Variants in PTPRC observed in about 807,000 individuals in gnomAD.
The protein encoded by PTPRC is protein tyrosine phosphatase receptor type C.
A neutral mutation model predicts 155.9 loss-of-function variants in PTPRC; 44 were observed. That is an observed-to-expected ratio of 0.28 (90% confidence interval 0.22 to 0.36). The LOEUF (loss-of-function observed/expected upper bound fraction) is 0.36. Ranked by LOEUF, PTPRC falls within the 10% of genes least tolerant of loss-of-function variation. The pLI, the probability that PTPRC is intolerant of heterozygous loss-of-function variation, is 1.00. For missense variants in PTPRC, 1,401 were observed against 1,564.6 expected (o/e 0.90, Z 1.76); for synonymous variants, 525 against 533.1 (o/e 0.98, Z 0.21).
At chr1:198,642,054 A>C (rs1004254320) in intron 2 of PTPRC, among the ~76,000 whole-genome samples, 14 of 151,930 alleles carry the variant, frequency 9.2e-5, no homozygotes, top group African/African-American at 3.4e-4. Context: ...CCTACTAAAA[A>C]CCTGCCTGTG....
At chr1:198,653,256 G>A (rs910867777) in intron 2 of PTPRC, among the ~76,000 whole-genome samples, 18 of 151,634 alleles carry the variant, frequency 1.2e-4, no homozygotes, top group African/African-American at 4.1e-4. Context: ...CTACGTATAA[G>A]GTGGTTATAG....
rs1653007816 is a variant in PTPRC, at chr1:198,706,924, T to A, written c.876T>A (p.Asp292Glu). 6.2e-7 allele frequency: 1 copy of A among 1,609,386 alleles called. No homozygotes were observed. The highest frequency in any genetic ancestry group is 1.3e-5 in the African/African-American group (1 of 74,816). The change falls in exon 9 of 33, where the codon GAT becomes GAA. Residue 292 changes from aspartate (D) to glutamate (E), a missense_variant. Physicochemically the swap from Asp to Glu is conservative, Grantham distance 45. Around this residue, in one of 3 missense-constraint regions of PTPRC, gnomAD observed 867 missense variants for 970.4 expected, o/e 0.89. Coordinates refer to ENST00000442510, the MANE Select transcript of PTPRC (RefSeq NM_002838.5). ...CTCATAATTCATGTACTGCTCCTGA[T>A]AAGACATTAATATTAGATGTGCCAC... is the stretch of plus-strand genomic sequence containing the variant. The part of the protein sequence containing the change: ...SISHNSCTAP[D>E]KTLILDVPPG...
At chr1:198,738,646 G>C (rs1654760321) in intron 23 of PTPRC, among the ~76,000 whole-genome samples, 1 of 151,718 alleles carries the variant, frequency 6.6e-6, no homozygotes, top group South Asian at 2.1e-4. Context: ...TTTGGTATCA[G>C]AGTAATACTG....
chr1:198,752,943 A>G (rs1235157092), intron 31 of PTPRC, among the ~76,000 whole-genome samples, 171 bp downstream of exon 31: 1 of 152,104 alleles, frequency 6.6e-6, no homozygotes, highest in African/African-American at 2.4e-5. Flanking sequence ...TTGTAGAAAT[A>G]TAATAGAAGT....
intron 2 of PTPRC, among the ~76,000 whole-genome samples, chr1:198,672,563 G>C (rs188806408): frequency 6.6e-6 from 1 of 152,120 alleles, no homozygotes; most frequent in Admixed American, 6.5e-5. Context: ...TCCACCTCCA[G>C]GGTTCAAGCG....
chr1:198,640,033 G>A (rs116367884), intron 2 of PTPRC, among the ~76,000 whole-genome samples: 99 of 152,046 alleles, frequency 6.5e-4, no homozygotes, highest in African/African-American at 2.3e-3. Context: ...CAGCCTTGAT[G>A]AGATAGAAAT....
At chr1:198,667,452 G>GA (rs1453137276) in intron 2 of PTPRC, among the ~76,000 whole-genome samples, 1 of 151,868 alleles carries the variant, frequency 6.6e-6, no homozygotes, top group Non-Finnish European at 1.5e-5. Flanking sequence ...TACAAAGACT[G>GA]AAAAAAAATA....
Position 198,696,761 on chromosome 1 carries a change from A to G in PTPRC, c.150A>G (p.Leu50=), listed in dbSNP as rs1329229222. 1.2e-6 allele frequency: 2 copies of G among 1,614,080 alleles called. No individual in the cohort carries two copies. Among genetic ancestry groups the G allele is most frequent in the South Asian group, 2.2e-5 (2 of 91,086 alleles). Residue 50 remains leucine, a synonymous_variant, in exon 4 of 33, where the codon TTA becomes TTG. Transcript: ENST00000442510. ...GTGTTCCACTTTCAAGTGACCCCTT[A>G]CCTACTCACACCACTGCATTCTCAC... is the stretch of plus-strand genomic sequence containing the variant. The part of the protein sequence containing the change: ...MPSVPLSSDP[L]PTHTTAFSPA...
intron 2 of PTPRC, among the ~76,000 whole-genome samples, chr1:198,666,759 T>C (rs113617859): frequency 6.6e-6 from 1 of 152,204 alleles, no homozygotes; most frequent in Non-Finnish European, 1.5e-5. Context: ...TTTATTAAAA[T>C]AGATTCCTTT....
Position 198,748,089 on chromosome 1 carries a change from G to GTT in PTPRC, c.2848-5_2848-4dup, listed in dbSNP as rs57296163. 66,215 of 1,443,070 alleles carry GTT rather than the reference G, an allele frequency of 0.046. 36 individuals carry two copies. Among genetic ancestry groups the GTT allele is most frequent in the Non-Finnish European group, 0.051 (54,419 of 1,073,148 alleles). The allele number at this position is 1,443,070 out of a possible 1,614,324, so 89.4% of individuals were successfully genotyped here. A position where few individuals can be genotyped will look rare whatever the true frequency, so the allele number is the denominator to read the frequency against. ...ATTTACATTTTAAAGGAGTTTTTCTGTTTTTTTTTTTTTTTTCAGAGACTT... is the reference window on the plus strand; with the variant it reads ...ATTTACATTTTAAAGGAGTTTTTCTGTTTTTTTTTTTTTTTTTTCAGAGACTT... On this transcript the variant is annotated intron_variant, in intron 26 of 32. Coordinates refer to ENST00000442510, the MANE Select transcript of PTPRC (RefSeq NM_002838.5).
chr1:198,679,638 A>G, intron 2 of PTPRC: 1 of 255,270 alleles, frequency 3.9e-6, no homozygotes, highest in Non-Finnish European at 7.9e-6. Flanking sequence ...ATTGCTGAGG[A>G]TGGGCTCGTC....
chr1:198,748,121 T>C lies in PTPRC; in HGVS notation c.2860T>C (p.Tyr954His), dbSNP rs762015863. Residue 954 changes from tyrosine to histidine, a missense_variant, in exon 27 of 33, where the codon TAT becomes CAT. Physicochemically the swap from Tyr to His is moderately conservative, Grantham distance 83. This residue lies in a region of PTPRC where 134 missense variants were observed against 204.7 expected (regional missense o/e 0.65). Coordinates refer to ENST00000442510, the MANE Select transcript of PTPRC (RefSeq NM_002838.5). ...TTTTTTTTTTCAGAGACTTCCTTCA[T>C]ATAGGAGCTGGAGGACACAGCACAT... ...LEAEFQRLPS[Y>H]RSWRTQHIGN... The C allele has an allele frequency of 6.3e-7, 1 of 1,587,828 alleles. No individual in the cohort carries two copies. Among genetic ancestry groups the C allele is most frequent in the South Asian group, 1.1e-5 (1 of 88,726 alleles).
At chr1:198,656,639 G>GTTTTTT (rs201088832) in intron 2 of PTPRC, among the ~76,000 whole-genome samples, 8 of 85,144 alleles carry the variant, frequency 9.4e-5, no homozygotes, top group South Asian at 5.2e-4. Flanking sequence ...AGGGCTACTA[G>GTTTTTT]TTTTTTGTTT....
chr1:198,708,093 T>A (rs1008183372), intron 9 of PTPRC, 40 bp from the exon 10 acceptor site: 1 of 1,558,588 alleles, frequency 6.4e-7, no homozygotes, highest in Non-Finnish European at 8.8e-7. Flanking sequence ...ATACACATTA[T>A]GAAATACTAA....
chr1:198,658,268 A>G (rs1017704001), intron 2 of PTPRC, among the ~76,000 whole-genome samples: 3 of 152,190 alleles, frequency 2.0e-5, no homozygotes, highest in African/African-American at 4.8e-5. Flanking sequence ...CTATAATTCT[A>G]TGAGATAATC....
rs781663658 is a variant in PTPRC, at chr1:198,706,942, T to C, written c.894T>C (p.Asp298=). Residue 298 remains aspartate (D), a synonymous_variant, in exon 9 of 33, where the codon GAT becomes GAC. Coordinates refer to ENST00000442510, the MANE Select transcript of PTPRC (RefSeq NM_002838.5). ...CTAPDKTLIL[D]VPPGVEKFQL... is the part of the protein sequence containing the mutation. ...CTCCTGATAAGACATTAATATTAGA[T>C]GTGCCACCAGGTAAATATCAATTTA... is the stretch of plus-strand genomic sequence containing the variant. 8 of 1,594,490 alleles carry C rather than the reference T, an allele frequency of 5.0e-6. No individual in the cohort carries two copies. The highest frequency in any genetic ancestry group is 1.1e-5 in the South Asian group (1 of 90,530).
chr1:198,739,715 T>C (rs1321139342), intron 23 of PTPRC, among the ~76,000 whole-genome samples: 1 of 151,808 alleles, frequency 6.6e-6, no homozygotes, highest in African/African-American at 2.4e-5. Context: ...TAATGTGCAT[T>C]GTAGACCAAA....
Position 198,692,331 on chromosome 1 carries a change from T to A in PTPRC, c.74-16T>A. Reference sequence around the variant, plus strand: ...AATTTGAAATTTTCTAAGAGATTTTTGTTTCTTCTTTGCAGGGCAAAGCCC... The same window carrying A: ...AATTTGAAATTTTCTAAGAGATTTTAGTTTCTTCTTTGCAGGGCAAAGCCC... On this transcript the variant is annotated splice_polypyrimidine_tract_variant and intron_variant, in intron 2 of 32. Coordinates refer to ENST00000442510, the MANE Select transcript of PTPRC (RefSeq NM_002838.5). 1 of 1,509,752 alleles carries A rather than the reference T, an allele frequency of 6.6e-7. No homozygotes were observed. Among genetic ancestry groups the A allele is most frequent in the Non-Finnish European group, 8.9e-7 (1 of 1,121,028 alleles). The allele number at this position is 1,509,752 out of a possible 1,614,324, so 93.5% of individuals were successfully genotyped here.
At chr1:198,710,164 T>C (rs1415418862) in intron 11 of PTPRC, among the ~76,000 whole-genome samples, 6 of 152,204 alleles carry the variant, frequency 3.9e-5, no homozygotes. Flanking sequence ...TTGTTGCATA[T>C]GGCCATCTAA....
Sources: allele counts gnomAD v4.1 joint callset (sites outside exome capture counted in the v4.1 genomes callset), GRCh38; gene constraint gnomAD v4.1.1; regional missense constraint gnomAD v4.1.1; transcripts MANE v1.5; gene names NCBI Gene and HGNC (gene_info 2026-07-23, HGNC 2026-07-21).